CAMK1D: variants seen among roughly 807,000 people sequenced by gnomAD.
The protein encoded by CAMK1D is calcium/calmodulin-dependent protein kinase type 1D.
CAMK1D carries 9 observed loss-of-function variants against 47.7 expected under a neutral mutation model. That is an observed-to-expected ratio of 0.19 (90% CI 0.11 to 0.33). CAMK1D has a LOEUF of 0.33. Among genes scored for constraint, CAMK1D ranks in the 10% least tolerant of loss-of-function variants. The probability of loss-of-function intolerance (pLI) is 1.00; values close to 1 mark genes in which losing one functional copy is unlikely to be tolerated. For synonymous variants in CAMK1D, 184 were observed against 184.9 expected (o/e 0.99, Z 0.04); for missense variants, 291 against 488.7 (o/e 0.60, Z 3.81).
At chr10:12,777,137 G>A (rs894283089) in intron 5 of CAMK1D, among the ~76,000 whole-genome samples, 5 of 152,080 alleles carry the variant, frequency 3.3e-5, no homozygotes, top group Non-Finnish European at 5.9e-5. Context: ...TGAAGGAGAG[G>A]AAAGATCCCA....
chr10:12,401,190 TA>T (rs1839189851), intron 1 of CAMK1D, among the ~76,000 whole-genome samples: 2 of 50,480 alleles, frequency 4.0e-5, no homozygotes, highest in African/African-American at 1.8e-4. Flanking sequence ...ATTATATATA[TA>T]TTTTATATAT....
intron 1 of CAMK1D, among the ~76,000 whole-genome samples, chr10:12,352,736 CTTTCTT>C (rs1564288825): frequency 3.8e-4 from 13 of 34,340 alleles, no homozygotes; most frequent in Non-Finnish European, 4.2e-4. Flanking sequence ...CTTCTGTGGA[CTTTCTT>C]TTTTTTTTTT....
At chr10:12,598,439 A>G (rs1838207140) in intron 2 of CAMK1D, among the ~76,000 whole-genome samples, 1 of 152,190 alleles carries the variant, frequency 6.6e-6, no homozygotes, top group South Asian at 2.1e-4. Context: ...GAGTAGTTTA[A>G]ACTACTATTT....
intron 1 of CAMK1D, among the ~76,000 whole-genome samples, chr10:12,536,664 T>C (rs1308734249): frequency 6.6e-6 from 1 of 152,218 alleles, no homozygotes; most frequent in African/African-American, 2.4e-5. Context: ...GGTGTGTCTT[T>C]GTACTTTCAC....
intron 2 of CAMK1D, among the ~76,000 whole-genome samples, chr10:12,607,493 C>T (rs1353653506): frequency 1.3e-5 from 2 of 152,166 alleles, no homozygotes; most frequent in African/African-American, 2.4e-5. Flanking sequence ...CTGCACTGTT[C>T]GCATCCCTGA....
At chr10:12,744,496 T>C (rs1268395601) in intron 3 of CAMK1D, among the ~76,000 whole-genome samples, 1 of 152,192 alleles carries the variant, frequency 6.6e-6, no homozygotes, top group African/African-American at 2.4e-5. Context: ...CACTCATTAT[T>C]TTCCTTTTTG....
At chr10:12,461,827 G>A (rs1476541967) in intron 1 of CAMK1D, among the ~76,000 whole-genome samples, 2 of 152,118 alleles carry the variant, frequency 1.3e-5, no homozygotes, top group African/African-American at 2.4e-5. Flanking sequence ...GATGCCTTGA[G>A]TGGAGACCGT....
intron 3 of CAMK1D, 40 bp from the exon 4 acceptor site, chr10:12,760,908 A>G (rs1416609027): frequency 6.3e-7 from 1 of 1,594,054 alleles, no homozygotes; most frequent in African/African-American, 1.3e-5. Context: ...TCACAATTCA[A>G]CAGATCCTTT....
chr10:12,356,929 T>G (rs1044579932), intron 1 of CAMK1D, among the ~76,000 whole-genome samples: 1 of 152,068 alleles, frequency 6.6e-6, no homozygotes, highest in African/African-American at 2.4e-5. Flanking sequence ...AGGTGGAGAT[T>G]TGTGTGCTCT....
intron 2 of CAMK1D, among the ~76,000 whole-genome samples, chr10:12,589,001 A>C (rs1837918055): frequency 6.6e-6 from 1 of 151,982 alleles, no homozygotes; most frequent in Non-Finnish European, 1.5e-5. Context: ...AAAGGGACAC[A>C]TTATATACAC....
intron 2 of CAMK1D, among the ~76,000 whole-genome samples, chr10:12,626,191 G>A (rs988658999): frequency 4.0e-5 from 6 of 151,856 alleles, no homozygotes; most frequent in African/African-American, 1.5e-4. Flanking sequence ...ATACTCATAC[G>A]ACACCAAAAC....
intron 2 of CAMK1D, among the ~76,000 whole-genome samples, chr10:12,568,771 T>C (rs1202550796): frequency 6.6e-6 from 1 of 152,118 alleles, no homozygotes; most frequent in Non-Finnish European, 1.5e-5. Flanking sequence ...ATATGTCCAG[T>C]AGTGTGGACT....
At chr10:12,444,086 A>G (rs542797923) in intron 1 of CAMK1D, among the ~76,000 whole-genome samples, 2 of 152,144 alleles carry the variant, frequency 1.3e-5, no homozygotes, top group Admixed American at 1.3e-4. Context: ...AGTGAGGACA[A>G]CCAGAGGTCA....
chr10:12,626,656 G>A (rs570359961), intron 2 of CAMK1D, among the ~76,000 whole-genome samples: 1 of 152,116 alleles, frequency 6.6e-6, no homozygotes, highest in South Asian at 2.1e-4. Context: ...TGTATTTTTA[G>A]TAGAGACAGG....
intron 1 of CAMK1D, among the ~76,000 whole-genome samples, chr10:12,406,530 G>T (rs1464846303): frequency 6.6e-6 from 1 of 151,430 alleles, no homozygotes; most frequent in Non-Finnish European, 1.5e-5. Flanking sequence ...AACATAGGAA[G>T]ACCCTGTCTC....
chr10:12,610,394 C>T (rs749284697), intron 2 of CAMK1D, among the ~76,000 whole-genome samples: 4 of 152,186 alleles, frequency 2.6e-5, no homozygotes, highest in Non-Finnish European at 5.9e-5. Flanking sequence ...CCTCCTTTCT[C>T]TGGGCACATT....
intron 1 of CAMK1D, among the ~76,000 whole-genome samples, chr10:12,451,282 G>A (rs966033921): frequency 2.6e-5 from 4 of 152,190 alleles, no homozygotes; most frequent in Non-Finnish European, 5.9e-5. Flanking sequence ...GGCTTCCCAC[G>A]GGTTCCCAAG....
At chr10:12,752,334 G>C (rs1836026649) in intron 3 of CAMK1D, among the ~76,000 whole-genome samples, 1 of 152,128 alleles carries the variant, frequency 6.6e-6, no homozygotes, top group South Asian at 2.1e-4. Flanking sequence ...ACTTGTGCTA[G>C]AAGAGTTTTA....
At chr10:12,747,177 G>T (rs1482455507) in intron 3 of CAMK1D, among the ~76,000 whole-genome samples, 1 of 151,980 alleles carries the variant, frequency 6.6e-6, no homozygotes, top group South Asian at 2.1e-4. Context: ...GACTACAGGC[G>T]CACACCACCA....
Sources: allele counts gnomAD v4.1 joint callset (sites outside exome capture counted in the v4.1 genomes callset), GRCh38; gene constraint gnomAD v4.1.1; transcripts MANE v1.5; gene names NCBI Gene and HGNC (gene_info 2026-07-23, HGNC 2026-07-21).